MMP26: variants seen among roughly 807,000 people sequenced by gnomAD.
The protein encoded by MMP26 is matrix metalloproteinase-26.
In MMP26, 33 loss-of-function variants were observed where a neutral mutation model predicts 31.0. The observed-to-expected ratio is 1.06, with a 90% CI of 0.81 to 1.42. The LOEUF is 1.42. MMP26 is among the 40% of genes most tolerant of loss of function. The pLI, the probability that MMP26 is intolerant of heterozygous loss-of-function variation, is 0.00. For synonymous variants in MMP26, 122 were observed against 114.9 expected (o/e 1.06, Z -0.40); for missense variants, 347 against 316.1 (o/e 1.10, Z -0.74).
intron 2 of MMP26, among the ~76,000 whole-genome samples, chr11:4,842,448 A>G (rs113925160): frequency 1.1e-3 from 165 of 152,326 alleles, no homozygotes; most frequent in African/African-American, 3.8e-3. Context: ...GAAACTTACA[A>G]TCATGGTGGA....
chr11:4,961,931 T>A (rs11034915), intron 2 of MMP26, among the ~76,000 whole-genome samples: 7 of 152,056 alleles, frequency 4.6e-5, no homozygotes, highest in Admixed American at 6.5e-5. Flanking sequence ...ATCATTTGCC[T>A]TTAATATGGA....
chr11:4,706,991 T>C (rs1342302531), intron 1 of MMP26, among the ~76,000 whole-genome samples: 1 of 152,230 alleles, frequency 6.6e-6, no homozygotes, highest in Admixed American at 6.5e-5. Flanking sequence ...GATGGACATT[T>C]AGGTTGTTTC....
At chr11:4,906,176 T>C (rs1589934607) in intron 2 of MMP26, among the ~76,000 whole-genome samples, 1 of 152,188 alleles carries the variant, frequency 6.6e-6, no homozygotes, top group South Asian at 2.1e-4. Flanking sequence ...TACATGAATA[T>C]GTACGTGAAG....
intron 2 of MMP26, chr11:4,944,263 T>G: frequency 4.3e-6 from 1 of 233,598 alleles, no homozygotes; most frequent in Non-Finnish European, 8.6e-6. Context: ...AAGATAATAC[T>G]ATCCTGGAGC....
In MMP26 at chr11:4,908,342, A is replaced by AC. The variant is rs756453944; in HGVS notation, c.-144-79726_-144-79725insC. On this transcript the variant is annotated intron_variant, in intron 2 of 7. Coordinates refer to ENST00000380390, the MANE Select transcript of MMP26 (RefSeq NM_021801.5). ...ACAATTAGGTAATAAATTATCAACC[A>AC]GTAGGCATTTACTGTCATTTGCTAT... 1.3e-5 allele frequency: 21 copies of AC among 1,565,708 alleles called. No individual in the cohort carries two copies. The East Asian group carries it at 4.7e-4, about 35-fold the overall frequency.
At chr11:4,769,278 G>T (rs142987564) in intron 2 of MMP26, 2 of 1,613,608 alleles carry the variant, frequency 1.2e-6, no homozygotes, top group Admixed American at 3.3e-5. Context: ...ACAATGCATG[G>T]TGTATCTATT....
At chr11:4,880,314 A>G (rs562041811) in intron 2 of MMP26, among the ~76,000 whole-genome samples, 4 of 152,196 alleles carry the variant, frequency 2.6e-5, no homozygotes, top group Non-Finnish European at 5.9e-5. Context: ...ACGTGGAGAA[A>G]AAAACTGAAG....
At chr11:4,913,125 T>C (rs1851017207) in intron 2 of MMP26, 1 of 152,184 alleles carries the variant, frequency 6.6e-6, no homozygotes, top group Non-Finnish European at 1.5e-5. Flanking sequence ...ACTCAAATGG[T>C]CATTCTCAAC....
At chr11:4,930,322 G>A (rs1851329532) in intron 2 of MMP26, among the ~76,000 whole-genome samples, 1 of 152,018 alleles carries the variant, frequency 6.6e-6, no homozygotes, top group African/African-American at 2.4e-5. Context: ...AAAGAGTGTG[G>A]GTAGCTGACG....
At chr11:4,708,111 C>G (rs1409110935) in intron 1 of MMP26, among the ~76,000 whole-genome samples, 3 of 152,276 alleles carry the variant, frequency 2.0e-5, no homozygotes, top group East Asian at 1.9e-4. Context: ...GAGTCATTTT[C>G]CCTAGGATGC....
At chr11:4,855,860 T>C (rs1384224091) in intron 2 of MMP26, among the ~76,000 whole-genome samples, 1 of 152,116 alleles carries the variant, frequency 6.6e-6, no homozygotes, top group South Asian at 2.1e-4. Context: ...CCCACCACAT[T>C]AACAGTGGAT....
intron 1 of MMP26, among the ~76,000 whole-genome samples, chr11:4,738,860 C>G (rs72868707): frequency 0.014 from 2,179 of 152,128 alleles, 30 homozygotes; most frequent in South Asian, 0.026. Context: ...ATATATGTAG[C>G]CTTTTAAGGA....
chr11:4,876,286 C>T (rs768986328), intron 2 of MMP26: 12 of 152,028 alleles, frequency 7.9e-5, no homozygotes, highest in Non-Finnish European at 1.8e-4. Flanking sequence ...TGCATATGTC[C>T]CTAGTAGGTG....
chr11:4,893,080 C>T (rs946454946), intron 2 of MMP26, among the ~76,000 whole-genome samples: 8 of 151,892 alleles, frequency 5.3e-5, no homozygotes, highest in Non-Finnish European at 1.2e-4. Flanking sequence ...TTCTATATGC[C>T]ATTGTCAAAG....
intron 1 of MMP26, among the ~76,000 whole-genome samples, chr11:4,754,266 A>T (rs928628855): frequency 2.0e-5 from 3 of 151,914 alleles, no homozygotes; most frequent in African/African-American, 7.2e-5. Flanking sequence ...AATAATAATG[A>T]TGATAATTAT....
At chr11:4,797,697 C>G (rs1214841450) in intron 2 of MMP26, among the ~76,000 whole-genome samples, 1 of 152,116 alleles carries the variant, frequency 6.6e-6, no homozygotes, top group Non-Finnish European at 1.5e-5. Context: ...GAAATTGGCC[C>G]AAATAAAATT....
chr11:4,875,254 G>A (rs563653181), intron 2 of MMP26: 4 of 152,190 alleles, frequency 2.6e-5, no homozygotes, highest in African/African-American at 7.2e-5. Flanking sequence ...GAAGAAAAAG[G>A]CCTGAATAAA....
At chr11:4,847,565 A>G (rs1166315893) in intron 2 of MMP26, 1 of 152,252 alleles carries the variant, frequency 6.6e-6, no homozygotes, top group Non-Finnish European at 1.5e-5. Flanking sequence ...TGATTAGCAT[A>G]TTTATAATCT....
chr11:4,901,149 C>CTTT (rs55678976), intron 2 of MMP26, among the ~76,000 whole-genome samples: 2,783 of 84,446 alleles, frequency 0.033, 663 homozygotes, highest in East Asian at 0.12. Flanking sequence ...CCTCTTTGTG[C>CTTT]TTTTTTTTTT....
Sources: allele counts gnomAD v4.1 joint callset (sites outside exome capture counted in the v4.1 genomes callset), GRCh38; gene constraint gnomAD v4.1.1; transcripts MANE v1.5; gene names NCBI Gene and HGNC (gene_info 2026-07-23, HGNC 2026-07-21).